XKR9: variants seen among roughly 807,000 people sequenced by gnomAD.
XKR9 encodes XK related 9.
A neutral mutation model predicts 32.0 loss-of-function variants in XKR9; 32 were observed. The ratio of observed to expected loss-of-function variants is 1.00; its 90% CI spans 0.76 to 1.34. The LOEUF is 1.34. XKR9 is among the 40% of genes most tolerant of loss of function. The pLI, the probability that XKR9 is intolerant of heterozygous loss-of-function variation, is 0.00. For missense variants in XKR9, 546 were observed against 429.7 expected (o/e 1.27, Z -2.39); for synonymous variants, 168 against 143.4 (o/e 1.17, Z -1.22).
At chr8:70,896,553 T>C in the XKR9 span, among the ~76,000 whole-genome samples, 2 of 151,904 alleles carry the variant, frequency 1.3e-5, no homozygotes, top group African/African-American at 4.8e-5. Flanking sequence ...ATGTTCTGTT[T>C]TTTTTTTTCT....
chr8:70,749,025 A>G (rs527568492), intron 2 of XKR9, among the ~76,000 whole-genome samples: 1 of 152,320 alleles, frequency 6.6e-6, no homozygotes, highest in Admixed American at 6.5e-5. Context: ...GCCTGTGGAA[A>G]GGAGCTACCC....
intron 4 of XKR9, among the ~76,000 whole-genome samples, chr8:70,716,421 G>T (rs1468180560): frequency 7.3e-6 from 1 of 136,804 alleles, no homozygotes; most frequent in African/African-American, 2.5e-5. Flanking sequence ...CTCACATTCT[G>T]CAGGGCTGCG....
the XKR9 span, among the ~76,000 whole-genome samples, chr8:70,886,373 T>C: frequency 6.6e-6 from 1 of 152,212 alleles, no homozygotes; most frequent in African/African-American, 2.4e-5. Flanking sequence ...GTCTTTATAG[T>C]AGAATGATTT....
chr8:70,737,457 T>C (rs376457969), downstream of XKR9, among the ~76,000 whole-genome samples: 3,588 of 116,526 alleles, frequency 0.031, no homozygotes, highest in Non-Finnish European at 0.048. Context: ...GAATACCCTT[T>C]ATTTCCTTCT....
downstream of XKR9, among the ~76,000 whole-genome samples, chr8:70,793,197 A>G (rs556905609): frequency 6.6e-6 from 1 of 152,196 alleles, no homozygotes; most frequent in Admixed American, 6.5e-5. Context: ...CTTCTCTCAT[A>G]GAATGCTTCT....
At chr8:70,704,695 C>T (rs1805659303) in intron 3 of XKR9, among the ~76,000 whole-genome samples, 2 of 152,158 alleles carry the variant, frequency 1.3e-5, no homozygotes, top group African/African-American at 2.4e-5. Flanking sequence ...TATGTTTATA[C>T]TTGTGAATTT....
At chr8:70,811,345 T>C in the XKR9 span, among the ~76,000 whole-genome samples, 1 of 152,124 alleles carries the variant, frequency 6.6e-6, no homozygotes, top group Non-Finnish European at 1.5e-5. Context: ...GCAGGAAAGA[T>C]CTACAATTGA....
chr8:71,035,033 T>C, the XKR9 span, among the ~76,000 whole-genome samples: 1 of 152,330 alleles, frequency 6.6e-6, no homozygotes, highest in South Asian at 2.1e-4. Flanking sequence ...GATAAACAGT[T>C]TGTTATTATT....
chr8:70,744,026 G>A (rs1000549841), intron 2 of XKR9, among the ~76,000 whole-genome samples: 1 of 152,028 alleles, frequency 6.6e-6, no homozygotes, highest in East Asian at 1.9e-4. Flanking sequence ...AACATTTTCA[G>A]TAATCTTTCT....
chr8:70,685,740 G>T (rs1411801680), intron 3 of XKR9, among the ~76,000 whole-genome samples: 43 of 93,982 alleles, frequency 4.6e-4, no homozygotes, highest in African/African-American at 1.5e-3. Flanking sequence ...GTTGTGGGGT[G>T]GGGGGAGGGG....
At chr8:70,682,973 G>A (rs1819135534) in intron 3 of XKR9, among the ~76,000 whole-genome samples, 1 of 152,196 alleles carries the variant, frequency 6.6e-6, no homozygotes. Flanking sequence ...TAGTATGGAT[G>A]TACTATAATC....
chr8:70,963,800 T>A, the XKR9 span, among the ~76,000 whole-genome samples: 1 of 152,130 alleles, frequency 6.6e-6, no homozygotes, highest in Non-Finnish European at 1.5e-5. Context: ...CCTTTGCCCA[T>A]GTTTTAATGG....
At chr8:70,711,539 C>T (rs1805920008) in intron 4 of XKR9, among the ~76,000 whole-genome samples, 1 of 152,136 alleles carries the variant, frequency 6.6e-6, no homozygotes, top group African/African-American at 2.4e-5. Flanking sequence ...AAACCAAATA[C>T]CACAGTGTTC....
chr8:71,028,908 A>AAGAG, the XKR9 span, among the ~76,000 whole-genome samples: 19,834 of 150,890 alleles, frequency 0.13, 1,914 homozygotes, highest in African/African-American at 0.28. Context: ...GACACACAGA[A>AAGAG]AGAGAGAGAG....
chr8:70,743,849 C>T (rs35931247), intron 2 of XKR9, among the ~76,000 whole-genome samples: 48,366 of 151,816 alleles, frequency 0.32, 9,072 homozygotes, highest in Non-Finnish European at 0.43. Flanking sequence ...TGCTCTCACT[C>T]AGTGCCATTC....
At chr8:70,998,107 G>A in the XKR9 span, among the ~76,000 whole-genome samples, 1 of 152,168 alleles carries the variant, frequency 6.6e-6, no homozygotes, top group Non-Finnish European at 1.5e-5. Flanking sequence ...CTCTGATGAA[G>A]TAGCACTAAC....
chr8:70,915,690 G>C, the XKR9 span, among the ~76,000 whole-genome samples: 2 of 152,148 alleles, frequency 1.3e-5, no homozygotes, highest in Non-Finnish European at 2.9e-5. Flanking sequence ...ATATTTAATT[G>C]ATCCAGTATC....
At chr8:71,061,768 G>T in the XKR9 span, among the ~76,000 whole-genome samples, 1 of 152,166 alleles carries the variant, frequency 6.6e-6, no homozygotes, top group Admixed American at 6.5e-5. Flanking sequence ...TTGGTCTGAG[G>T]GAAGAAGGAA....
At chr8:70,978,994 A>G in the XKR9 span, among the ~76,000 whole-genome samples, 1 of 152,108 alleles carries the variant, frequency 6.6e-6, no homozygotes, top group Non-Finnish European at 1.5e-5. Flanking sequence ...TTGATCTTCA[A>G]TCAATGATAC....
Sources: gnomAD v4.1 joint callset for allele counts (sites outside exome capture counted in the v4.1 genomes callset) on GRCh38, gnomAD v4.1.1 for gene constraint, MANE v1.5 for transcripts, NCBI Gene and HGNC (gene_info 2026-07-23, HGNC 2026-07-21) for gene names.